The following PRUNE2 variants were observed in gnomAD, a reference collection of about 807,000 sequenced individuals.
PRUNE2 encodes prune homolog 2 with BCH domain, also known as protein prune homolog 2.
In PRUNE2, 164 loss-of-function variants were observed where a neutral mutation model predicts 252.0. That is an observed-to-expected ratio of 0.65 (90% CI 0.57 to 0.74). The LOEUF (loss-of-function observed/expected upper bound fraction) is 0.74, where lower values mean the gene tolerates loss of function less well. Among genes scored for constraint, PRUNE2 ranks in the 30% least tolerant of loss-of-function variants. The pLI, the probability that PRUNE2 is intolerant of heterozygous loss-of-function variation, is 0.00. For missense variants in PRUNE2, 3,495 were observed against 3,711.0 expected, an observed-to-expected ratio of 0.94 and a Z score of 1.51; for synonymous variants, 1,292 against 1,350.2, an observed-to-expected ratio of 0.96 and a Z score of 0.94.
chr9:76,709,284 T>G lies in PRUNE2; in HGVS notation c.2990A>C (p.Glu997Ala). Residue 997 changes from glutamate to alanine, a missense_variant, in exon 8 of 19, where the codon GAG (glutamate) becomes GCG (alanine). Transcript: ENST00000376718. ...TGCCGTGGAGTTACCATCTTTTGAC[T>G]CAAAACCTTCCTCTTTAGCAAATGG... ...HKPFAKEEGF[E>A]SKDGNSTAEE... 1 of 1,613,834 alleles carries G rather than the reference T, an allele frequency of 6.2e-7. No homozygotes were observed. The highest frequency in any genetic ancestry group is 8.5e-7 in the Non-Finnish European group (1 of 1,179,850).
intron 6 of PRUNE2, among the ~76,000 whole-genome samples, chr9:76,732,624 G>C (rs2048725353): frequency 6.6e-6 from 1 of 152,202 alleles, no homozygotes; most frequent in South Asian, 2.1e-4. Flanking sequence ...GTAGTGTCTA[G>C]GTTGTATAGT....
Position 76,866,528 on chromosome 9 carries a change from C to A in PRUNE2, c.37-12320G>T, listed in dbSNP as rs181989510. On this transcript the variant is annotated intron_variant, in intron 1 of 18. Coordinates refer to ENST00000376718, the MANE Select transcript of PRUNE2 (RefSeq NM_015225.3). Reference sequence around the variant, plus strand: ...TGCCTATTCATAAGTAGAATGACAACAAGACATACGCCTGCCTTCCCCAAG... The same window carrying A: ...TGCCTATTCATAAGTAGAATGACAAAAAGACATACGCCTGCCTTCCCCAAG... Among the ~76,000 whole-genome samples the A allele has an allele frequency of 1.6e-3, 240 of 152,286 alleles. 1 individual carries two copies. The highest frequency in any genetic ancestry group is 5.6e-3 in the African/African-American group (231 of 41,564).
At chr9:76,720,071 T>C (rs889454460) in intron 6 of PRUNE2, among the ~76,000 whole-genome samples, 4 of 152,156 alleles carry the variant, frequency 2.6e-5, no homozygotes, top group Non-Finnish European at 4.4e-5. Context: ...ACTAGAGCAA[T>C]GGTTAAGTAA....
rs1461850616 is a variant in PRUNE2 at position 76,615,778 on chromosome 9, T to TG, written c.9237-1179_9237-1178insC. ...TTGTTTTGTGTGTGTGGTTTTTTTTTTTTTTTTTTTGAGATGGAGTCTTGC... is the reference window on the plus strand; with the variant it reads ...TTGTTTTGTGTGTGTGGTTTTTTTTTGTTTTTTTTTTGAGATGGAGTCTTGC... On this transcript the variant is annotated intron_variant, in intron 18 of 18. Coordinates refer to ENST00000376718, the MANE Select transcript of PRUNE2 (RefSeq NM_015225.3). Among the ~76,000 whole-genome samples, 3 of 139,830 alleles carry TG rather than the reference T, an allele frequency of 2.1e-5. No individual in the cohort carries two copies. In the East Asian group the frequency reaches 6.0e-4, roughly 28 times the overall value. The allele number at this position is 139,830 out of a possible 152,430, so 91.7% of individuals were successfully genotyped here.
chr9:76,883,036 AG>A (rs1256003124), intron 1 of PRUNE2, among the ~76,000 whole-genome samples: 1 of 152,096 alleles, frequency 6.6e-6, no homozygotes, highest in African/African-American at 2.4e-5. Context: ...TTTCTCAACT[AG>A]GTGGTTGCCT....
chr9:76,873,510 C>T (rs938483588), intron 1 of PRUNE2, among the ~76,000 whole-genome samples: 4 of 152,300 alleles, frequency 2.6e-5, no homozygotes, highest in African/African-American at 9.6e-5. Flanking sequence ...AATCCCTTTT[C>T]CCTTTTCAAG....
rs1347186099 is a variant in PRUNE2, at chr9:76,612,641, G to T, written c.*1929C>A. 6.6e-6 allele frequency: 1 copy of T among 152,120 alleles called. No homozygotes were observed. The highest frequency in any genetic ancestry group is 1.5e-5 in the Non-Finnish European group (1 of 68,060). 9.4% of individuals were successfully genotyped at this position (152,120 alleles called of 1,614,324 possible). The stretch of plus-strand genomic sequence containing the variant: ...ACAAGCCAGATGTTATGAAGGAGGA[G>T]ATCCAACAGAACATACAATTCAACA... On this transcript the variant is annotated 3_prime_UTR_variant, in exon 19 of 19. Transcript: ENST00000376718.
intron 9 of PRUNE2, among the ~76,000 whole-genome samples, chr9:76,658,111 C>T (rs1430377998): frequency 6.6e-6 from 1 of 152,218 alleles, no homozygotes; most frequent in African/African-American, 2.4e-5. Context: ...ATAATCCCAG[C>T]ACTTTGGGAG....
At chr9:76,866,381 T>C (rs933816072) in intron 1 of PRUNE2, among the ~76,000 whole-genome samples, 5 of 152,250 alleles carry the variant, frequency 3.3e-5, no homozygotes, top group African/African-American at 9.6e-5. Context: ...TTACATACAG[T>C]GATTTCTAAC....
intron 9 of PRUNE2, among the ~76,000 whole-genome samples, chr9:76,665,374 A>G (rs189503020): frequency 7.9e-5 from 12 of 152,112 alleles, no homozygotes; most frequent in African/African-American, 2.2e-4. Flanking sequence ...CCTCCACCCC[A>G]CAGAGTAAGG....
chr9:76,901,767 C>T (rs2063188332), intron 1 of PRUNE2, among the ~76,000 whole-genome samples: 2 of 152,206 alleles, frequency 1.3e-5, no homozygotes, highest in Admixed American at 1.3e-4. Flanking sequence ...TAGAAGTCCA[C>T]ATATCAACTA....
rs538657380 is a variant in PRUNE2 at position 76,740,100 on chromosome 9, G to T, written c.757-26379C>A. ...CAAAGTTAACTATCAAATATCCAGT[G>T]CTCAGTGAAAAAGAGCAGGGATCAT... On this transcript the variant is annotated intron_variant, in intron 6 of 18. Transcript: ENST00000376718. 2.0e-5 allele frequency: 3 copies of T among 151,412 alleles called. No individual in the cohort carries two copies. The South Asian group carries it at 6.3e-4, about 32-fold the overall frequency. 9.4% of individuals were successfully genotyped at this position (151,412 alleles called of 1,614,324 possible).
chr9:76,615,696 T>C (rs955312280), intron 18 of PRUNE2, among the ~76,000 whole-genome samples: 2 of 151,976 alleles, frequency 1.3e-5, no homozygotes, highest in African/African-American at 4.8e-5. Context: ...ATAATGAACA[T>C]ATCATAATGT....
At chr9:76,753,565 C>T (rs1029821801) in intron 6 of PRUNE2, among the ~76,000 whole-genome samples, 2 of 151,994 alleles carry the variant, frequency 1.3e-5, no homozygotes, top group African/African-American at 4.8e-5. Context: ...TGAAAAATGA[C>T]CCCCAGGCCT....
chr9:76,647,645 T>C (rs1845498749), intron 11 of PRUNE2, among the ~76,000 whole-genome samples: 1 of 152,082 alleles, frequency 6.6e-6, no homozygotes, highest in Non-Finnish European at 1.5e-5. Flanking sequence ...AGGACTGTTA[T>C]CCAAAATATA....
chr9:76,728,765 A>T (rs370377569), intron 6 of PRUNE2, among the ~76,000 whole-genome samples: 2 of 152,226 alleles, frequency 1.3e-5, no homozygotes, highest in African/African-American at 4.8e-5. Flanking sequence ...ACAGCCTGTT[A>T]TCTCTGCACC....
intron 18 of PRUNE2, 93 bp from the exon 19 acceptor site, chr9:76,614,693 C>T: frequency 1.1e-6 from 1 of 919,040 alleles, no homozygotes; most frequent in South Asian, 1.5e-5. Flanking sequence ...CTTTTTTCCT[C>T]AAAGGACATA....
At chr9:76,683,465 T>C (rs1020619664) in intron 9 of PRUNE2, among the ~76,000 whole-genome samples, 2 of 152,228 alleles carry the variant, frequency 1.3e-5, no homozygotes, top group African/African-American at 2.4e-5. Flanking sequence ...GTTTTCATAA[T>C]ATGAGCCAAT....
In PRUNE2 at chr9:76,709,459, C is replaced by A. The variant is rs772854166; in HGVS notation, c.2815G>T (p.Asp939Tyr). The A allele has an allele frequency of 2.5e-6, 4 of 1,613,896 alleles. No individual in the cohort carries two copies. The highest frequency in any genetic ancestry group is 2.7e-5 in the African/African-American group (2 of 74,930). Residue 939 changes from aspartate (D) to tyrosine (Y), a missense_variant, in exon 8 of 19, where the codon GAT (aspartate) becomes TAT (tyrosine). Physicochemically the swap from Asp to Tyr is radical, Grantham distance 160. Transcript: ENST00000376718. ...GGSDVLVPWEDSFLSYKCSDY... is the reference protein window; with the variant it reads ...GGSDVLVPWEYSFLSYKCSDY... ...GAACATTTGTAAGATAAGAAGGAATCTTCCCAAGGAACTAGGACATCTGAC... is the reference window on the plus strand; with the variant it reads ...GAACATTTGTAAGATAAGAAGGAATATTCCCAAGGAACTAGGACATCTGAC...
Sources: gnomAD v4.1 joint callset for allele counts (sites outside exome capture counted in the v4.1 genomes callset) on GRCh38, gnomAD v4.1.1 for gene constraint, MANE v1.5 for transcripts, NCBI Gene and HGNC (gene_info 2026-07-23, HGNC 2026-07-21) for gene names.